Variants in MGAT5 observed in about 807,000 individuals in gnomAD.
MGAT5 encodes alpha-1,6-mannosylglycoprotein 6-beta-N-acetylglucosaminyltransferase, also known as alpha-1,6-mannosylglycoprotein 6-beta-N-acetylglucosaminyltransferase A.
Under a neutral mutation model 94.3 loss-of-function variants are expected in MGAT5, and 30 were observed. The ratio of observed to expected loss-of-function variants is 0.32; its 90% confidence interval spans 0.24 to 0.43. The LOEUF (loss-of-function observed/expected upper bound fraction) is 0.43, where lower values mean the gene tolerates loss of function less well. Among genes scored for constraint, MGAT5 ranks in the 20% least tolerant of loss-of-function variants. The probability of loss-of-function intolerance (pLI) is 1.00; values close to 1 mark genes in which losing one functional copy is unlikely to be tolerated. For missense variants in MGAT5, 691 were observed against 905.5 expected (o/e 0.76, Z 3.04); for synonymous variants, 310 against 322.9 (o/e 0.96, Z 0.43).
At chr2:134,393,219 C>G (rs1682517880) in intron 10 of MGAT5, among the ~76,000 whole-genome samples, 1 of 152,170 alleles carries the variant, frequency 6.6e-6, no homozygotes, top group African/African-American at 2.4e-5. Flanking sequence ...CAGATTACTT[C>G]ATTCTTGACC....
chr2:134,172,451 A>T (rs1688258628), intron 1 of MGAT5, among the ~76,000 whole-genome samples: 2 of 151,734 alleles, frequency 1.3e-5, no homozygotes, highest in African/African-American at 4.8e-5. Context: ...CAGTGGCACG[A>T]TCTCAGCTCA....
chr2:134,314,660 A>T (rs1327932545), intron 2 of MGAT5, among the ~76,000 whole-genome samples: 1 of 152,146 alleles, frequency 6.6e-6, no homozygotes, highest in Non-Finnish European at 1.5e-5. Context: ...TAGGCTTGGG[A>T]AGGAAGAACT....
At chr2:134,186,228 C>A (rs1344455725) in intron 1 of MGAT5, among the ~76,000 whole-genome samples, 1 of 152,166 alleles carries the variant, frequency 6.6e-6, no homozygotes, top group Non-Finnish European at 1.5e-5. Context: ...ATGTGTCAGC[C>A]TTTTGTGTAG....
At chr2:134,292,382 T>C (rs1685421758) in intron 2 of MGAT5, among the ~76,000 whole-genome samples, 1 of 152,126 alleles carries the variant, frequency 6.6e-6, no homozygotes. Context: ...TCAGTGAAGG[T>C]CAAAGAGGAG....
intron 1 of MGAT5, among the ~76,000 whole-genome samples, chr2:134,229,549 A>G (rs1681243071): frequency 6.6e-6 from 1 of 152,242 alleles, no homozygotes; most frequent in African/African-American, 2.4e-5. Context: ...ATAACTGATA[A>G]GGAGCTTACA....
intron 1 of MGAT5, among the ~76,000 whole-genome samples, chr2:134,193,424 G>T (rs1052982376): frequency 1.2e-4 from 19 of 152,172 alleles, no homozygotes; most frequent in Non-Finnish European, 2.1e-4. Flanking sequence ...GTTACATGAG[G>T]TTAAAAGAGA....
chr2:134,432,442 T>G (rs1462072960), intron 14 of MGAT5, among the ~76,000 whole-genome samples: 7 of 152,206 alleles, frequency 4.6e-5, no homozygotes, highest in Non-Finnish European at 1.0e-4. Flanking sequence ...TATGGAGTGT[T>G]CTGGATGCAA....
intron 10 of MGAT5, among the ~76,000 whole-genome samples, chr2:134,390,165 T>C (rs977922850): frequency 6.6e-6 from 1 of 152,222 alleles, no homozygotes; most frequent in African/African-American, 2.4e-5. Context: ...GTATTTATGG[T>C]ATACAAATAT....
At chr2:134,194,357 G>A (rs1679392148) in intron 1 of MGAT5, among the ~76,000 whole-genome samples, 1 of 151,896 alleles carries the variant, frequency 6.6e-6, no homozygotes, top group Admixed American at 6.6e-5. Flanking sequence ...TTGTGGGGGT[G>A]GGGGCAGAAA....
At chr2:134,222,492 A>G (rs532489578) in intron 1 of MGAT5, among the ~76,000 whole-genome samples, 83 of 152,396 alleles carry the variant, frequency 5.4e-4, no homozygotes, top group African/African-American at 1.9e-3. Context: ...AATAAATTTA[A>G]TTTCTTTTCC....
At chr2:134,441,226 G>A (rs1485876567) in intron 14 of MGAT5, among the ~76,000 whole-genome samples, 1 of 152,184 alleles carries the variant, frequency 6.6e-6, no homozygotes, top group African/African-American at 2.4e-5. Flanking sequence ...TCCTTGGCGT[G>A]ATCTTCACCT....
chr2:134,167,398 G>T (rs1027348302), intron 1 of MGAT5, among the ~76,000 whole-genome samples: 2 of 152,210 alleles, frequency 1.3e-5, no homozygotes, highest in Non-Finnish European at 2.9e-5. Flanking sequence ...GTTGGCAGTG[G>T]TTCTCCAACT....
intron 10 of MGAT5, among the ~76,000 whole-genome samples, chr2:134,401,651 A>G (rs1161552252): frequency 2.0e-5 from 3 of 152,172 alleles, no homozygotes; most frequent in Non-Finnish European, 4.4e-5. Flanking sequence ...AAAACTATAC[A>G]TTTCTAAGTT....
At chr2:134,213,951 C>T (rs1680333802) in intron 1 of MGAT5, among the ~76,000 whole-genome samples, 2 of 152,154 alleles carry the variant, frequency 1.3e-5, no homozygotes, top group South Asian at 2.1e-4. Flanking sequence ...TTTCTTCCCT[C>T]CCCAGAGATT....
intron 10 of MGAT5, among the ~76,000 whole-genome samples, chr2:134,396,273 AAAT>A (rs1293485033): frequency 6.6e-6 from 1 of 152,170 alleles, no homozygotes; most frequent in Non-Finnish European, 1.5e-5. Context: ...CAGAGACTTT[AAAT>A]TGTTCTGAAA....
At chr2:134,236,541 TC>T (rs796262924) in intron 1 of MGAT5, among the ~76,000 whole-genome samples, 6 of 151,710 alleles carry the variant, frequency 4.0e-5, no homozygotes, top group African/African-American at 7.3e-5. Flanking sequence ...ATAGGGACCT[TC>T]CCCCCCCTTT....
At chr2:134,319,825 A>G (rs17783092) in intron 4 of MGAT5, 54,639 of 340,850 alleles carry the variant, frequency 0.16, 4,664 homozygotes, top group Middle Eastern at 0.29. Flanking sequence ...ATGCATGTCT[A>G]TAGCAGTCAT....
chr2:134,271,414 TG>T (rs1017902882), intron 2 of MGAT5, among the ~76,000 whole-genome samples: 22 of 152,286 alleles, frequency 1.4e-4, no homozygotes, highest in African/African-American at 5.1e-4. Flanking sequence ...TTTTGGTGGG[TG>T]GTAGCCAAAC....
intron 10 of MGAT5, among the ~76,000 whole-genome samples, chr2:134,382,016 A>G (rs1279932332): frequency 1.3e-5 from 2 of 152,184 alleles, no homozygotes; most frequent in African/African-American, 4.8e-5. Context: ...GTCTGACCCC[A>G]TTCTTAATGC....
Sources: gnomAD v4.1 joint callset for allele counts (sites outside exome capture counted in the v4.1 genomes callset) on GRCh38, gnomAD v4.1.1 for gene constraint, MANE v1.5 for transcripts, NCBI Gene and HGNC (gene_info 2026-07-23, HGNC 2026-07-21) for gene names.